Variants in UPF2 observed in about 807,000 individuals in gnomAD.
UPF2 encodes regulator of nonsense transcripts 2.
Under a neutral mutation model 141.4 loss-of-function variants are expected in UPF2, and 17 were observed. That is an observed-to-expected ratio of 0.12 (90% confidence interval 0.08 to 0.18). The LOEUF (loss-of-function observed/expected upper bound fraction) is 0.18. Ranked by LOEUF, UPF2 falls within the 10% of genes least tolerant of loss-of-function variation. UPF2 has a pLI of 1.00. For missense variants in UPF2, 1,152 were observed against 1,515.9 expected (o/e 0.76, Z 3.99); for synonymous variants, 540 against 498.0 (o/e 1.08, Z -1.12).
intron 9 of UPF2, among the ~76,000 whole-genome samples, chr10:11,974,443 C>A (rs1037629900): frequency 6.6e-6 from 1 of 152,112 alleles, no homozygotes; most frequent in Admixed American, 6.6e-5. Context: ...AGAGGGCATC[C>A]CTGTCTTGTG....
chr10:11,949,048 T>C (rs541277588), intron 15 of UPF2, among the ~76,000 whole-genome samples: 92 of 152,322 alleles, frequency 6.0e-4, no homozygotes, highest in Middle Eastern at 6.8e-3. Context: ...ACAGACTAAT[T>C]TTTTTTCTTC....
chr10:11,970,417 G>C (rs1021718185), intron 9 of UPF2, among the ~76,000 whole-genome samples: 1 of 151,750 alleles, frequency 6.6e-6, no homozygotes, highest in Non-Finnish European at 1.5e-5. Flanking sequence ...AATGAAACTG[G>C]GATTTTTCTT....
chr10:11,952,306 AAAT>A, intron 14 of UPF2, 57 bp from the exon 15 acceptor site: 1 of 1,428,324 alleles, frequency 7.0e-7, no homozygotes, highest in Admixed American at 2.5e-5. Context: ...AAATATTTTA[AAAT>A]AATAAACTAT....
At position 12,032,922 on chromosome 10, in the gene UPF2, T is replaced by C. The variant is rs914040697; in HGVS notation, c.365+2137A>G. Among the ~76,000 whole-genome samples the C allele has an allele frequency of 6.8e-5, 10 of 147,636 alleles. No individual in the cohort carries two copies. The East Asian group carries it at 2.0e-3, about 30-fold the overall frequency. On this transcript the variant is annotated intron_variant, in intron 2 of 21. Transcript: ENST00000357604. ...AGGAGGAATCACTTGAGCACAGGAG[T>C]TGGAGACTGCAGTACGTTATGATGG...
rs528121340 is a variant in UPF2 at position 12,021,603 on chromosome 10, T to A, written c.1145+7142A>T. 3.9e-5 allele frequency among the ~76,000 whole-genome samples: 6 copies of A among 152,216 alleles called. No homozygotes were observed. The South Asian group carries it at 1.2e-3, about 32-fold the overall frequency. ...AGAAAAAAAGTGCCAAAGCCTAACA[T>A]AGGAAAGGCAAGAATTTCAATGCCA... On this transcript the variant is annotated intron_variant, in intron 3 of 21. Transcript: ENST00000357604.
chr10:11,976,341 C>T lies in UPF2; in HGVS notation c.1953+2716G>A, dbSNP rs1001247511. Reference sequence around the variant, plus strand: ...AGGTATGGAAAATGAAAGACAGTGGCAGGAGGTATGAAGAGGAGATGCTAG... The same window carrying T: ...AGGTATGGAAAATGAAAGACAGTGGTAGGAGGTATGAAGAGGAGATGCTAG... On this transcript the variant is annotated intron_variant, in intron 9 of 21. Transcript: ENST00000357604. 3.3e-5 allele frequency among the ~76,000 whole-genome samples: 5 copies of T among 152,076 alleles called. No individual in the cohort carries two copies. The East Asian group carries it at 5.8e-4, about 18-fold the overall frequency.
In UPF2 at chr10:12,014,568, T is replaced by C. The variant is rs1463029593; in HGVS notation, c.1146-384A>G. ...AGAAACAGGTTATACAAAGAATCAA[T>C]TATTCTTAAACCTCCATGATTTGAA... On this transcript the variant is annotated intron_variant, in intron 3 of 21. Transcript: ENST00000357604. This position sits in a 1 kb window ranked among gnomAD's most constrained non-coding sequence, Gnocchi z 5.0. Among the ~76,000 whole-genome samples, 1 of 152,188 alleles carries C rather than the reference T, an allele frequency of 6.6e-6. No individual in the cohort carries two copies. Among genetic ancestry groups the C allele is most frequent in the South Asian group, 2.1e-4 (1 of 4,836 alleles).
chr10:12,033,074 G>T (rs1245740579), intron 2 of UPF2, among the ~76,000 whole-genome samples: 1 of 152,176 alleles, frequency 6.6e-6, no homozygotes, highest in Non-Finnish European at 1.5e-5. Flanking sequence ...CTGTTCTAGA[G>T]ATCTATACAA....
chr10:11,955,602 C>A, intron 13 of UPF2, 95 bp from the exon 14 acceptor site: 1 of 1,204,348 alleles, frequency 8.3e-7, no homozygotes, highest in Non-Finnish European at 1.1e-6. Context: ...ATATCTATTA[C>A]TGAAAGAACA....
rs1331898114 is a variant in UPF2 at position 11,992,023 on chromosome 10, G to T, written c.1844+5649C>A. On this transcript the variant is annotated intron_variant, in intron 8 of 21. Transcript: ENST00000357604. This position sits in a 1 kb window ranked among gnomAD's most constrained non-coding sequence, Gnocchi z 4.1. ...TAGCTGGGCGTGGTGGCGGGCGCCT[G>T]TAATCCCAGCTACTCAGGAGCCTGA... is the stretch of plus-strand genomic sequence containing the variant. Among the ~76,000 whole-genome samples, 1 of 152,050 alleles carries T rather than the reference G, an allele frequency of 6.6e-6. No individual in the cohort carries two copies. Among genetic ancestry groups the T allele is most frequent in the Non-Finnish European group, 1.5e-5 (1 of 68,018 alleles).
In UPF2 at chr10:12,019,480, C is replaced by A. The variant is rs1031880282; in HGVS notation, c.1146-5296G>T. On this transcript the variant is annotated intron_variant, in intron 3 of 21. Coordinates refer to ENST00000357604, the MANE Select transcript of UPF2 (RefSeq NM_015542.4). The surrounding 1 kb of genome is among the most constrained non-coding windows in gnomAD (Gnocchi z 4.5). ...GCCCACAAGCCATAGTTCGCCAATG[C>A]CTGTCACACTACTACATGTCTTATA... 6.6e-6 allele frequency among the ~76,000 whole-genome samples: 1 copy of A among 152,220 alleles called. No homozygotes were observed. Among genetic ancestry groups the A allele is most frequent in the Admixed American group, 6.5e-5 (1 of 15,274 alleles).
intron 3 of UPF2, among the ~76,000 whole-genome samples, chr10:12,026,101 TTAA>T (rs1834415066): frequency 6.6e-6 from 1 of 152,138 alleles, no homozygotes; most frequent in Admixed American, 6.6e-5. Flanking sequence ...GCCAGTACTA[TTAA>T]TAATACACAT....
intron 3 of UPF2, among the ~76,000 whole-genome samples, chr10:12,018,779 C>T (rs1295110515): frequency 6.6e-6 from 1 of 151,950 alleles, no homozygotes; most frequent in African/African-American, 2.4e-5. Context: ...ATAAATAAAC[C>T]CAAGGATCCT....
At chr10:11,954,702 G>A (rs1271324731) in intron 14 of UPF2, among the ~76,000 whole-genome samples, 4 of 148,260 alleles carry the variant, frequency 2.7e-5, no homozygotes, top group South Asian at 2.1e-4. Flanking sequence ...TGGGCTGGGC[G>A]CGATGGTTCA....
intron 4 of UPF2, among the ~76,000 whole-genome samples, chr10:12,008,397 G>A (rs1344969376): frequency 2.6e-5 from 4 of 151,906 alleles, no homozygotes; most frequent in Non-Finnish European, 4.4e-5. Flanking sequence ...TGGGGAGGCC[G>A]AGGTGGGCAG....
intron 8 of UPF2, among the ~76,000 whole-genome samples, chr10:11,985,568 C>T (rs544629529): frequency 6.8e-6 from 1 of 148,050 alleles, no homozygotes; most frequent in African/African-American, 2.5e-5. Context: ...ACCCGGGAGG[C>T]GGAGCTTGCG....
chr10:12,013,520 G>A (rs111259159), intron 4 of UPF2, among the ~76,000 whole-genome samples: 7 of 152,052 alleles, frequency 4.6e-5, no homozygotes, highest in Middle Eastern at 3.4e-3. Flanking sequence ...TGATCCTCCC[G>A]CCTCGGCCTC....
At chr10:12,038,382 A>T (rs12763179) in intron 1 of UPF2, among the ~76,000 whole-genome samples, 1,357 of 30,852 alleles carry the variant, frequency 0.044, 8 homozygotes, top group East Asian at 0.17. Context: ...TCCATCTCAC[A>T]CACACACACA....
At chr10:12,011,570 C>A (rs931663316) in intron 4 of UPF2, among the ~76,000 whole-genome samples, 3 of 152,074 alleles carry the variant, frequency 2.0e-5, no homozygotes, top group African/African-American at 7.2e-5. Context: ...CATCGCATTC[C>A]AGCCTGTCTC....
Sources: gnomAD v4.1 joint callset for allele counts (sites outside exome capture counted in the v4.1 genomes callset) on GRCh38, gnomAD v4.1.1 for gene constraint, Gnocchi (gnomAD v3.1) non-coding constraint, MANE v1.5 for transcripts, NCBI Gene and HGNC (gene_info 2026-07-23, HGNC 2026-07-21) for gene names.